DPY19L1: variants seen among roughly 807,000 people sequenced by gnomAD.
DPY19L1 encodes the protein protein C-mannosyl-transferase DPY19L1.
A neutral mutation model predicts 96.9 loss-of-function variants in DPY19L1; 35 were observed. The observed-to-expected ratio is 0.36, with a 90% CI of 0.28 to 0.48. The LOEUF is 0.48. Ranked by LOEUF, DPY19L1 falls within the 20% of genes least tolerant of loss-of-function variation. DPY19L1 has a pLI of 0.99. For missense variants in DPY19L1, 521 were observed against 777.9 expected (o/e 0.67, Z 3.93); for synonymous variants, 205 against 252.6 (o/e 0.81, Z 1.79).
In DPY19L1 at chr7:34,928,984, T is replaced by C. The variant is rs1381148274; in HGVS notation, c.*2589A>G. Reference sequence around the variant, plus strand: ...CTCCTATGCAATATCACTTTATTCCTGATACATACTTTCATTTTCTCATTA... The same window carrying C: ...CTCCTATGCAATATCACTTTATTCCCGATACATACTTTCATTTTCTCATTA... On this transcript the variant is annotated 3_prime_UTR_variant, in exon 22 of 22. Coordinates refer to ENST00000638088, the MANE Select transcript of DPY19L1 (RefSeq NM_001366673.1). 1 of 152,250 alleles carries C rather than the reference T, an allele frequency of 6.6e-6. No homozygotes were observed. The highest frequency in any genetic ancestry group is 1.5e-5 in the Non-Finnish European group (1 of 68,038). The allele number at this position is 152,250 out of a possible 1,614,324, so 9.4% of individuals were successfully genotyped here.
At chr7:34,953,723 T>C (rs1340419695) in intron 13 of DPY19L1, among the ~76,000 whole-genome samples, 2 of 86,226 alleles carry the variant, frequency 2.3e-5, no homozygotes, top group Admixed American at 2.9e-4. Context: ...AATGAATGAA[T>C]GAATAAATAC....
intron 6 of DPY19L1, among the ~76,000 whole-genome samples, chr7:35,002,770 TTC>T (rs1204949224): frequency 1.3e-5 from 2 of 152,180 alleles, no homozygotes; most frequent in African/African-American, 4.8e-5. Flanking sequence ...ACCAACAATG[TTC>T]TCTTTTCTTC....
intron 1 of DPY19L1, among the ~76,000 whole-genome samples, chr7:35,025,501 G>T (rs329252): frequency 0.47 from 71,611 of 151,704 alleles, 17,338 homozygotes; most frequent in Admixed American, 0.61. Flanking sequence ...GTTAAGAAGA[G>T]GTGGGTGGGG....
Position 34,930,965 on chromosome 7 carries a change from C to T in DPY19L1, c.*608G>A, listed in dbSNP as rs1783740712. 6.6e-6 allele frequency: 1 copy of T among 151,956 alleles called. No individual in the cohort carries two copies. The highest frequency in any genetic ancestry group is 1.5e-5 in the Non-Finnish European group (1 of 67,998). 9.4% of individuals were successfully genotyped at this position (151,956 alleles called of 1,614,324 possible). On this transcript the variant is annotated 3_prime_UTR_variant, in exon 22 of 22. Coordinates refer to ENST00000638088, the MANE Select transcript of DPY19L1 (RefSeq NM_001366673.1). Reference sequence around the variant, plus strand: ...TAAGGGAATTTCCTAACCACAAGGTCCAAGAGTTTGGATTAATAATGGGCA... The same window carrying T: ...TAAGGGAATTTCCTAACCACAAGGTTCAAGAGTTTGGATTAATAATGGGCA...
chr7:35,025,800 C>T (rs2128682173), intron 1 of DPY19L1, among the ~76,000 whole-genome samples: 1 of 152,276 alleles, frequency 6.6e-6, no homozygotes, highest in Middle Eastern at 3.4e-3. Flanking sequence ...AAGCCAGAGT[C>T]CCTGGGGCCA....
chr7:34,959,533 T>C (rs1413380639), intron 10 of DPY19L1, among the ~76,000 whole-genome samples: 11 of 152,038 alleles, frequency 7.2e-5, no homozygotes, highest in Non-Finnish European at 1.0e-4. Flanking sequence ...ACTATGCAGC[T>C]ATAAAAAAGG....
chr7:34,938,157 C>G (rs201015796), intron 20 of DPY19L1, 38 bp from the exon 21 acceptor site: 1 of 1,591,100 alleles, frequency 6.3e-7, no homozygotes, highest in Non-Finnish European at 8.6e-7. Flanking sequence ...ATTTTCAAGA[C>G]TAAAACGATA....
At position 34,930,524 on chromosome 7, in the gene DPY19L1, T is replaced by C. The variant is rs1339993651; in HGVS notation, c.*1049A>G. 5 of 152,158 alleles carry C rather than the reference T, an allele frequency of 3.3e-5. No homozygotes were observed. The highest frequency in any genetic ancestry group is 5.9e-5 in the Non-Finnish European group (4 of 68,018). The allele number at this position is 152,158 out of a possible 1,614,324, so 9.4% of individuals were successfully genotyped here. On this transcript the variant is annotated 3_prime_UTR_variant, in exon 22 of 22. Coordinates refer to ENST00000638088, the MANE Select transcript of DPY19L1 (RefSeq NM_001366673.1). ...AAAATATAAAAACTCCATTTATCATTATTCTTTACATTTTTGACAGCAAAA... is the reference window on the plus strand; with the variant it reads ...AAAATATAAAAACTCCATTTATCATCATTCTTTACATTTTTGACAGCAAAA...
chr7:35,011,665 T>C (rs1256113569), intron 4 of DPY19L1, among the ~76,000 whole-genome samples: 1 of 152,034 alleles, frequency 6.6e-6, no homozygotes, highest in Non-Finnish European at 1.5e-5. Context: ...GGACAAAATA[T>C]GGGCCAAAAA....
chr7:34,959,901 ATAT>A (rs1784457630), intron 10 of DPY19L1, among the ~76,000 whole-genome samples: 1 of 16,366 alleles, frequency 6.1e-5, no homozygotes, highest in Non-Finnish European at 1.0e-4. Context: ...GTATATAAAT[ATAT>A]ATATATATAT....
At chr7:34,990,789 G>C (rs757569734) in intron 6 of DPY19L1, among the ~76,000 whole-genome samples, 1 of 152,176 alleles carries the variant, frequency 6.6e-6, no homozygotes, top group Non-Finnish European at 1.5e-5. Context: ...AGCTCATGCT[G>C]CTTTCTCATT....
intron 7 of DPY19L1, among the ~76,000 whole-genome samples, chr7:34,979,930 G>C (rs1172194038): frequency 6.6e-6 from 1 of 152,032 alleles, no homozygotes; most frequent in African/African-American, 2.4e-5. Flanking sequence ...AATTTATATG[G>C]AAACACAAAG....
At chr7:35,037,010 G>A (rs953065707) in intron 1 of DPY19L1, 87 bp downstream of exon 1, 1 of 131,398 alleles carries the variant, frequency 7.6e-6, no homozygotes, top group African/African-American at 2.9e-5. Context: ...CGGGAGGAGA[G>A]GGGAAGGAAG....
Position 34,974,370 on chromosome 7 carries a change from G to A in DPY19L1, c.823-765C>T, listed in dbSNP as rs532951925. Among the ~76,000 whole-genome samples, 41 of 152,192 alleles carry A rather than the reference G, an allele frequency of 2.7e-4. 1 individual carries two copies. The South Asian group carries it at 8.3e-3, about 31-fold the overall frequency. On this transcript the variant is annotated intron_variant, in intron 7 of 21. Coordinates refer to ENST00000638088, the MANE Select transcript of DPY19L1 (RefSeq NM_001366673.1). ...TAATGATGTCTTTCAATGCAAGCAC[G>A]GGTACCTAAAAAGATTCCACAGAAT... is the stretch of plus-strand genomic sequence containing the variant.
intron 3 of DPY19L1, among the ~76,000 whole-genome samples, chr7:35,014,945 C>G (rs981108427): frequency 6.6e-6 from 1 of 152,074 alleles, no homozygotes; most frequent in Admixed American, 6.5e-5. Context: ...CAAGGAATTC[C>G]AAGGATGGCC....
intron 1 of DPY19L1, among the ~76,000 whole-genome samples, chr7:35,020,514 T>C (rs1785971074): frequency 6.6e-6 from 1 of 152,254 alleles, no homozygotes; most frequent in African/African-American, 2.4e-5. Context: ...TATGCATTTC[T>C]TATGAAGTTT....
At chr7:34,964,029 T>C (rs1250868399) in intron 10 of DPY19L1, among the ~76,000 whole-genome samples, 1 of 152,138 alleles carries the variant, frequency 6.6e-6, no homozygotes, top group Non-Finnish European at 1.5e-5. Context: ...TGTAAAACAA[T>C]GTGAATGTAC....
intron 8 of DPY19L1, among the ~76,000 whole-genome samples, chr7:34,972,306 C>T (rs2128668380): frequency 6.6e-6 from 1 of 152,308 alleles, no homozygotes; most frequent in African/African-American, 2.4e-5. Context: ...TGGTGATGGG[C>T]TACACAGCAA....
chr7:34,948,405 T>C (rs1210868605), intron 14 of DPY19L1, among the ~76,000 whole-genome samples: 1 of 152,144 alleles, frequency 6.6e-6, no homozygotes, highest in African/African-American at 2.4e-5. Context: ...CATGTTAAAT[T>C]TTCCCCTCTT....
Sources: gnomAD v4.1 joint callset for allele counts (sites outside exome capture counted in the v4.1 genomes callset) on GRCh38, gnomAD v4.1.1 for gene constraint, MANE v1.5 for transcripts, NCBI Gene and HGNC (gene_info 2026-07-23, HGNC 2026-07-21) for gene names.